Variants in SLC41A2 observed in about 807,000 individuals in gnomAD.
SLC41A2 encodes the protein SLC41A1-like 1.
Under a neutral mutation model 58.3 loss-of-function variants are expected in SLC41A2, and 32 were observed. The observed-to-expected ratio is 0.55, with a 90% CI of 0.41 to 0.74. SLC41A2 has a LOEUF of 0.74. SLC41A2 is among the 30% of genes least tolerant of loss of function. SLC41A2 has a pLI of 0.00. For missense variants in SLC41A2, 514 were observed against 680.6 expected (o/e 0.76, Z 2.72); for synonymous variants, 190 against 235.0 (o/e 0.81, Z 1.75).
At chr12:104,853,499 T>G (rs966315928) in intron 8 of SLC41A2, among the ~76,000 whole-genome samples, 1 of 152,132 alleles carries the variant, frequency 6.6e-6, no homozygotes, top group African/African-American at 2.4e-5. Context: ...ATTTTCCATT[T>G]TTTTCATATT....
chr12:104,895,354 G>A lies in SLC41A2; in HGVS notation c.664-9C>T. ...ATCTTCCCAATATTTACCTGTTAAAGTGGATATTTTCATGTATCACTGAAG... is the reference window on the plus strand; with the variant it reads ...ATCTTCCCAATATTTACCTGTTAAAATGGATATTTTCATGTATCACTGAAG... On this transcript the variant is annotated splice_polypyrimidine_tract_variant and intron_variant, in intron 3 of 10. Coordinates refer to ENST00000258538, the MANE Select transcript of SLC41A2 (RefSeq NM_001352171.3). The A allele has an allele frequency of 6.2e-7, 1 of 1,605,190 alleles. No homozygotes were observed. Among genetic ancestry groups the A allele is most frequent in the African/African-American group, 1.3e-5 (1 of 74,892 alleles).
At chr12:104,857,793 T>C (rs73399931) in intron 8 of SLC41A2, among the ~76,000 whole-genome samples, 3,581 of 135,318 alleles carry the variant, frequency 0.026, 87 homozygotes, top group East Asian at 0.16. Context: ...CTCATAGGAA[T>C]TGAACAATGA....
chr12:104,922,095 G>A (rs2135849664), intron 2 of SLC41A2, among the ~76,000 whole-genome samples: 1 of 152,208 alleles, frequency 6.6e-6, no homozygotes, highest in South Asian at 2.1e-4. Flanking sequence ...AATCACAGAG[G>A]AAGACAGTAA....
chr12:104,937,248 C>T (rs2047319545), intron 1 of SLC41A2, among the ~76,000 whole-genome samples: 1 of 152,328 alleles, frequency 6.6e-6, no homozygotes. Flanking sequence ...ACAGTAATGT[C>T]CTAGCCCTTA....
intron 1 of SLC41A2, among the ~76,000 whole-genome samples, chr12:104,942,410 C>T (rs1036503810): frequency 8.1e-5 from 12 of 149,026 alleles, no homozygotes; most frequent in African/African-American, 2.5e-4. Flanking sequence ...CCTGAGAAGT[C>T]GAAGCTGTAG....
At chr12:104,892,052 T>C (rs1473074691) in intron 4 of SLC41A2, among the ~76,000 whole-genome samples, 1 of 151,866 alleles carries the variant, frequency 6.6e-6, no homozygotes, top group Non-Finnish European at 1.5e-5. Context: ...GTAATCCCAG[T>C]ACTTCGGGAG....
chr12:104,834,070 A>G (rs561255238), intron 10 of SLC41A2: 230 of 985,380 alleles, frequency 2.3e-4, no homozygotes, highest in Non-Finnish European at 2.6e-4. Flanking sequence ...GACCGAAAAG[A>G]GCTCTTTCCC....
In SLC41A2 at chr12:104,802,493, C is replaced by G. The variant is rs1350752434; in HGVS notation, c.*2659G>C. 6.6e-6 allele frequency: 1 copy of G among 151,974 alleles called. No homozygotes were observed. The highest frequency in any genetic ancestry group is 2.4e-5 in the African/African-American group (1 of 41,370). The allele number at this position is 151,974 out of a possible 1,614,324, so 9.4% of individuals were successfully genotyped here. A position where few individuals can be genotyped will look rare whatever the true frequency, so the allele number is the denominator to read the frequency against. On this transcript the variant is annotated 3_prime_UTR_variant, in exon 11 of 11. Coordinates refer to ENST00000258538, the MANE Select transcript of SLC41A2 (RefSeq NM_001352171.3). ...TTTATTTTTTTCTCCTGTTACATGC[C>G]TTTTAGACATTTGGTTGCTCTAACC... is the stretch of plus-strand genomic sequence containing the variant.
At chr12:104,876,151 G>A (rs1011784638) in intron 6 of SLC41A2, among the ~76,000 whole-genome samples, 4 of 151,730 alleles carry the variant, frequency 2.6e-5, no homozygotes, top group African/African-American at 9.7e-5. Flanking sequence ...TTTAATTTCA[G>A]TCTTCTCTTT....
At chr12:104,935,472 G>A (rs1375120343) in intron 1 of SLC41A2, among the ~76,000 whole-genome samples, 1 of 151,688 alleles carries the variant, frequency 6.6e-6, no homozygotes, top group African/African-American at 2.4e-5. Flanking sequence ...TAAATATATA[G>A]CTATTATTTA....
At chr12:104,863,141 A>T (rs552992705) in intron 7 of SLC41A2, among the ~76,000 whole-genome samples, 1 of 152,344 alleles carries the variant, frequency 6.6e-6, no homozygotes, top group Non-Finnish European at 1.5e-5. Context: ...GTGTGTCATT[A>T]AAAAAGTAAA....
intron 10 of SLC41A2, among the ~76,000 whole-genome samples, chr12:104,810,432 TAAC>T (rs1243545165): frequency 6.6e-6 from 1 of 152,176 alleles, no homozygotes; most frequent in African/African-American, 2.4e-5. Context: ...GTTTACATAT[TAAC>T]AATGTGTTAA....
At chr12:104,887,128 T>C (rs2044711113) in intron 5 of SLC41A2, among the ~76,000 whole-genome samples, 1 of 151,992 alleles carries the variant, frequency 6.6e-6, no homozygotes, top group African/African-American at 2.4e-5. Flanking sequence ...TATTAACATT[T>C]ATATCCACTC....
intron 8 of SLC41A2, among the ~76,000 whole-genome samples, chr12:104,858,673 G>A (rs931273911): frequency 1.3e-5 from 2 of 152,012 alleles, no homozygotes; most frequent in African/African-American, 4.8e-5. Flanking sequence ...CACCATGCCC[G>A]GCTAATTTTT....
intron 7 of SLC41A2, among the ~76,000 whole-genome samples, chr12:104,864,713 C>A (rs2043350360): frequency 6.6e-6 from 1 of 152,074 alleles, no homozygotes; most frequent in East Asian, 1.9e-4. Flanking sequence ...TATTCCAACT[C>A]TTCTACATAA....
intron 7 of SLC41A2, among the ~76,000 whole-genome samples, chr12:104,864,494 C>A (rs549360486): frequency 2.6e-5 from 4 of 152,322 alleles, no homozygotes; most frequent in Non-Finnish European, 4.4e-5. Context: ...ATTTGGGATT[C>A]ATGATAATAT....
intron 1 of SLC41A2, among the ~76,000 whole-genome samples, chr12:104,935,227 G>A (rs1224898929): frequency 6.6e-6 from 1 of 152,130 alleles, no homozygotes; most frequent in East Asian, 1.9e-4. Context: ...CCAAAGTGCT[G>A]GGATCATAGG....
At chr12:104,840,161 G>A (rs1484521483) in intron 10 of SLC41A2, among the ~76,000 whole-genome samples, 1 of 152,178 alleles carries the variant, frequency 6.6e-6, no homozygotes, top group Non-Finnish European at 1.5e-5. Flanking sequence ...TTAAAAGGAA[G>A]GCCAGCAATG....
chr12:104,819,083 T>C (rs1272313380), intron 10 of SLC41A2, among the ~76,000 whole-genome samples: 1 of 152,162 alleles, frequency 6.6e-6, no homozygotes, highest in Non-Finnish European at 1.5e-5. Context: ...ATATACTTTT[T>C]TTTCAAACGC....
Sources: gnomAD v4.1 joint callset for allele counts (sites outside exome capture counted in the v4.1 genomes callset) on GRCh38, gnomAD v4.1.1 for gene constraint, MANE v1.5 for transcripts, NCBI Gene and HGNC (gene_info 2026-07-23, HGNC 2026-07-21) for gene names.